Variants in PCDHA12 observed in about 807,000 individuals in gnomAD.
PCDHA12 encodes protocadherin alpha 12.
Under a neutral mutation model 60.0 loss-of-function variants are expected in PCDHA12, and 44 were observed. The ratio of observed to expected loss-of-function variants is 0.73; its 90% CI spans 0.58 to 0.94. PCDHA12 has a LOEUF of 0.94. PCDHA12 is among the 40% of genes least tolerant of loss of function. The pLI, the probability that PCDHA12 is intolerant of heterozygous loss-of-function variation, is 0.00. For missense variants in PCDHA12, 1,276 were observed against 1,239.7 expected (o/e 1.03, Z -0.44); for synonymous variants, 569 against 553.0 (o/e 1.03, Z -0.40).
chr5:140,965,539 T>C (rs1554227755), intron 1 of PCDHA12, among the ~76,000 whole-genome samples: 1 of 152,034 alleles, frequency 6.6e-6, no homozygotes, highest in East Asian at 1.9e-4. Context: ...GGAATCCAAA[T>C]TCCAGCCTGG....
chr5:140,946,611 A>AATATATATATATATATATAT lies in PCDHA12; in HGVS notation c.2368-32336_2368-32317dup, dbSNP rs1554217734. On this transcript the variant is annotated intron_variant, in intron 1 of 3. Transcript: ENST00000398631. ...GGATGAATAGATAAAGAAAATGTGA[A>AATATATATATATATATATAT]ATATATATATATATATATATACAAT... Among the ~76,000 whole-genome samples the AATATATATATATATATATAT allele has an allele frequency of 2.4e-3, 212 of 86,734 alleles. 8 individuals carry two copies. Among genetic ancestry groups the AATATATATATATATATATAT allele is most frequent in the Middle Eastern group, 0.011 (2 of 186 alleles). The allele number at this position is 86,734 out of a possible 152,430, so 56.9% of individuals were successfully genotyped here.
chr5:140,944,807 A>G (rs1472832230), intron 1 of PCDHA12, among the ~76,000 whole-genome samples: 1 of 152,214 alleles, frequency 6.6e-6, no homozygotes, highest in Non-Finnish European at 1.5e-5. Context: ...TCGAGGGTCC[A>G]CAGTGATCTT....
In PCDHA12 at chr5:141,010,363, G is replaced by A; in HGVS notation, c.*426G>A. On this transcript the variant is annotated 3_prime_UTR_variant, in exon 4 of 4. Coordinates refer to ENST00000398631, the MANE Select transcript of PCDHA12 (RefSeq NM_018903.4). ...CACTGGGTATGTGTGGCTACCGCGG[G>A]TATGCGAGTGCCAGATATTGGCTGA... 7 of 1,480,446 alleles carry A rather than the reference G, an allele frequency of 4.7e-6. No homozygotes were observed. The highest frequency in any genetic ancestry group is 5.4e-6 in the Non-Finnish European group (6 of 1,112,646). 91.7% of individuals were successfully genotyped at this position (1,480,446 alleles called of 1,614,324 possible). A position where few individuals can be genotyped will look rare whatever the true frequency, so the allele number is the denominator to read the frequency against.
chr5:140,929,326 G>A, intron 1 of PCDHA12: 1 of 1,538,470 alleles, frequency 6.5e-7, no homozygotes. Context: ...CAATGCCATG[G>A]TAAGCAAATT....
chr5:140,916,022 A>G (rs982398362), intron 1 of PCDHA12, among the ~76,000 whole-genome samples: 1 of 151,978 alleles, frequency 6.6e-6, no homozygotes, highest in Non-Finnish European at 1.5e-5. Context: ...AGTCTTTCCC[A>G]TTCTTCCCTC....
chr5:140,966,938 G>T, intron 1 of PCDHA12: 1 of 1,604,146 alleles, frequency 6.2e-7, no homozygotes, highest in African/African-American at 1.3e-5. Flanking sequence ...CGGCGCGCTC[G>T]TGGGCAACGT....
At chr5:140,880,796 T>C (rs538689350) in intron 1 of PCDHA12, among the ~76,000 whole-genome samples, 4 of 152,180 alleles carry the variant, frequency 2.6e-5, no homozygotes, top group Non-Finnish European at 5.9e-5. Context: ...GTAATATAAA[T>C]AGGTGAATGA....
rs183950754 is a variant in PCDHA12, at chr5:140,960,187, T to G, written c.2368-18762T>G. On this transcript the variant is annotated intron_variant, in intron 1 of 3. Coordinates refer to ENST00000398631, the MANE Select transcript of PCDHA12 (RefSeq NM_018903.4). ...CAATTCTTAAGTTAGGGGTTGCATG[T>G]GTAGTGGTCAGATGTTATTTCAGGA... 3.5e-3 allele frequency among the ~76,000 whole-genome samples: 529 copies of G among 152,196 alleles called. 22 individuals are homozygous for G. Among genetic ancestry groups the G allele is most frequent in the Admixed American group, 0.032 (493 of 15,274 alleles).
At chr5:140,908,985 C>G (rs2074252217) in intron 1 of PCDHA12, among the ~76,000 whole-genome samples, 1 of 152,130 alleles carries the variant, frequency 6.6e-6, no homozygotes, top group African/African-American at 2.4e-5. Context: ...CCACTGGACC[C>G]CTAGAAATTT....
chr5:140,899,548 T>C (rs1452628026), intron 1 of PCDHA12, among the ~76,000 whole-genome samples: 5 of 152,214 alleles, frequency 3.3e-5, no homozygotes, highest in African/African-American at 1.2e-4. Flanking sequence ...TCATGGTGGA[T>C]AAGCTTTTTG....
chr5:140,985,298 C>T (rs770798262), intron 3 of PCDHA12, among the ~76,000 whole-genome samples: 1 of 152,124 alleles, frequency 6.6e-6, no homozygotes, highest in Non-Finnish European at 1.5e-5. Context: ...ATAGTGTTGG[C>T]TGATAGCCTG....
At chr5:140,987,322 T>G (rs1160600975) in intron 3 of PCDHA12, among the ~76,000 whole-genome samples, 3 of 152,200 alleles carry the variant, frequency 2.0e-5, no homozygotes, top group Non-Finnish European at 4.4e-5. Flanking sequence ...CTGTGAAGTT[T>G]TAAGAACTGG....
intron 3 of PCDHA12, among the ~76,000 whole-genome samples, chr5:141,008,590 T>G (rs1259352249): frequency 6.6e-6 from 1 of 152,216 alleles, no homozygotes; most frequent in Non-Finnish European, 1.5e-5. Context: ...CAGGGCAGAT[T>G]TCACCTCCTC....
chr5:140,941,185 C>CTTT (rs782102770), intron 1 of PCDHA12, among the ~76,000 whole-genome samples: 77 of 102,238 alleles, frequency 7.5e-4, no homozygotes, highest in Admixed American at 3.0e-3. Flanking sequence ...CATCCTGCTT[C>CTTT]TTTTTTTTTC....
At position 140,877,077 on chromosome 5, in the gene PCDHA12, G is replaced by A. The variant is rs373726752; in HGVS notation, c.1605G>A (p.Val535=). The A allele has an allele frequency of 1.1e-4, 183 of 1,613,104 alleles. 1 individual carries two copies. The highest frequency in any genetic ancestry group is 1.5e-4 in the Non-Finnish European group (175 of 1,179,844). Residue 535 remains valine, a synonymous_variant, in exon 1 of 4, where the codon GTG becomes GTA. Coordinates refer to ENST00000398631, the MANE Select transcript of PCDHA12 (RefSeq NM_018903.4). ...AGCTGGAGCTGCTGCAGTTCCAGGT[G>A]AGCGCGCGCGACGCCGGCGTGCCGC... ...HEELELLQFQ[V]SARDAGVPPL...
Position 140,876,084 on chromosome 5 carries a change from A to G in PCDHA12, c.612A>G (p.Gln204=). 6.2e-7 allele frequency: 1 copy of G among 1,613,962 alleles called. No homozygotes were observed. The highest frequency in any genetic ancestry group is 8.5e-7 in the Non-Finnish European group (1 of 1,179,910). The change falls in exon 1 of 4, where the codon CAA becomes CAG. Residue 204 remains glutamine (Q), a synonymous_variant. Transcript: ENST00000398631. ...TTCGGAAGTTATTGGACAGAGAGCA[A>G]ACGCCAAAACTCAATTTATTGCTGA... ...LVLRKLLDRE[Q]TPKLNLLLMV...
chr5:140,953,283 G>A (rs1377100708), intron 1 of PCDHA12, among the ~76,000 whole-genome samples: 5 of 152,132 alleles, frequency 3.3e-5, no homozygotes, highest in Non-Finnish European at 7.3e-5. Flanking sequence ...CTCTTTATAT[G>A]TGATTCAGGG....
At chr5:140,903,916 T>C (rs1192195691) in intron 1 of PCDHA12, among the ~76,000 whole-genome samples, 1 of 152,260 alleles carries the variant, frequency 6.6e-6, no homozygotes, top group African/African-American at 2.4e-5. Flanking sequence ...TGTGACTTCC[T>C]TGCTGCATTG....
intron 1 of PCDHA12, among the ~76,000 whole-genome samples, chr5:140,885,974 T>C (rs2060795303): frequency 6.6e-6 from 1 of 152,200 alleles, no homozygotes; most frequent in Admixed American, 6.5e-5. Flanking sequence ...GAGATAATTA[T>C]AGATTCGCAT....
Sources: gnomAD v4.1 joint callset for allele counts (sites outside exome capture counted in the v4.1 genomes callset) on GRCh38, gnomAD v4.1.1 for gene constraint, MANE v1.5 for transcripts, NCBI Gene and HGNC (gene_info 2026-07-23, HGNC 2026-07-21) for gene names.